Variants in ITPR2 observed in about 807,000 individuals in gnomAD.
ITPR2 encodes inositol 1,4,5-trisphosphate receptor type 2.
Under a neutral mutation model 317.1 loss-of-function variants are expected in ITPR2, and 207 were observed. The observed-to-expected ratio is 0.65, with a 90% CI of 0.58 to 0.73. The LOEUF (loss-of-function observed/expected upper bound fraction) is 0.73. ITPR2 is among the 30% of genes least tolerant of loss of function. The pLI is 0.00. For missense variants in ITPR2, 2,613 were observed against 3,284.0 expected (o/e 0.80, Z 4.99); for synonymous variants, 1,156 against 1,149.1 (o/e 1.01, Z -0.12).
At chr12:26,801,057 C>A in intron 1 of ITPR2, 1 of 195,280 alleles carries the variant, frequency 5.1e-6, no homozygotes, top group South Asian at 1.0e-4. Context: ...TGAGTGGGCA[C>A]TGGGGTTGGT....
At chr12:26,821,123 A>G (rs1459036978) in intron 1 of ITPR2, among the ~76,000 whole-genome samples, 1 of 152,376 alleles carries the variant, frequency 6.6e-6, no homozygotes, top group East Asian at 1.9e-4. Context: ...TAAACGGTCA[A>G]AATGATAAAT....
intron 2 of ITPR2, among the ~76,000 whole-genome samples, chr12:26,780,089 T>C (rs1016759723): frequency 6.6e-6 from 1 of 152,144 alleles, no homozygotes; most frequent in East Asian, 1.9e-4. Context: ...AATGGGCCCA[T>C]GAACAAAGTG....
chr12:26,530,503 T>C (rs932158216), intron 37 of ITPR2, among the ~76,000 whole-genome samples: 1 of 152,230 alleles, frequency 6.6e-6, no homozygotes, highest in East Asian at 1.9e-4. Context: ...GAAGTAAATG[T>C]AGGAAGAAGA....
chr12:26,341,750 A>G (rs1005762839), intron 55 of ITPR2, among the ~76,000 whole-genome samples: 14 of 152,248 alleles, frequency 9.2e-5, no homozygotes, highest in Admixed American at 7.9e-4. Context: ...TGAAAGTCAG[A>G]TAAGACTGTG....
chr12:26,801,998 A>C (rs1229662739), intron 1 of ITPR2, among the ~76,000 whole-genome samples: 6 of 152,202 alleles, frequency 3.9e-5, no homozygotes, highest in African/African-American at 9.6e-5. Context: ...GCAGGAAAAT[A>C]CTAGCCAAAG....
At chr12:26,665,177 A>T (rs2136923562) in intron 14 of ITPR2, among the ~76,000 whole-genome samples, 1 of 152,344 alleles carries the variant, frequency 6.6e-6, no homozygotes, top group South Asian at 2.1e-4. Flanking sequence ...AGAAAACTAG[A>T]ATATTGTACA....
intron 54 of ITPR2, among the ~76,000 whole-genome samples, chr12:26,395,738 G>T (rs1229136482): frequency 6.6e-6 from 1 of 152,146 alleles, no homozygotes; most frequent in Non-Finnish European, 1.5e-5. Flanking sequence ...CTTCCACCAG[G>T]ATCTGTTCTC....
chr12:26,655,353 A>G (rs11048633), intron 20 of ITPR2, among the ~76,000 whole-genome samples: 51,797 of 151,980 alleles, frequency 0.34, 9,648 homozygotes, highest in East Asian at 0.64. Flanking sequence ...GGTGGCTCAC[A>G]CCTGTAATCC....
At position 26,655,779 on chromosome 12, in the gene ITPR2, C is replaced by G; in HGVS notation, c.2518G>C (p.Glu840Gln). 6.2e-7 allele frequency: 1 copy of G among 1,612,682 alleles called. No individual in the cohort carries two copies. Among genetic ancestry groups the G allele is most frequent in the East Asian group, 2.2e-5 (1 of 44,832 alleles). ...TGGTTTACAACTTCTTTCAAATATT[C>G]TTCAACAAATTCCATTGTCAGGGCA... ...KFALTMEFVE[E>Q]YLKEVVNQPF... The change falls in exon 20 of 57, where the codon GAA (glutamate) becomes CAA (glutamine). Residue 840 changes from glutamate (E) to glutamine (Q), a missense_variant. Physicochemically the swap from Glu to Gln is conservative, Grantham distance 29. Transcript: ENST00000381340.
intron 1 of ITPR2, among the ~76,000 whole-genome samples, chr12:26,802,130 G>A (rs1950565658): frequency 6.6e-6 from 1 of 151,932 alleles, no homozygotes; most frequent in African/African-American, 2.4e-5. Context: ...GCAAGACCCT[G>A]TCTCTACAAA....
At chr12:26,585,439 C>T (rs1378810970) in intron 32 of ITPR2, among the ~76,000 whole-genome samples, 1 of 152,186 alleles carries the variant, frequency 6.6e-6, no homozygotes, top group Non-Finnish European at 1.5e-5. Flanking sequence ...CGGAGTCTCG[C>T]TCTGTCACCC....
At chr12:26,549,235 C>A (rs1944464048) in intron 37 of ITPR2, among the ~76,000 whole-genome samples, 1 of 152,126 alleles carries the variant, frequency 6.6e-6, no homozygotes, top group African/African-American at 2.4e-5. Context: ...TTATTTTGAT[C>A]ATTTGTTTTC....
intron 45 of ITPR2, among the ~76,000 whole-genome samples, chr12:26,456,099 G>A (rs543117230): frequency 2.0e-5 from 3 of 152,148 alleles, no homozygotes; most frequent in African/African-American, 4.8e-5. Flanking sequence ...TGGATAAAAT[G>A]AGACTGAGAT....
chr12:26,629,389 C>G (rs1946694044), intron 22 of ITPR2, among the ~76,000 whole-genome samples: 1 of 152,140 alleles, frequency 6.6e-6, no homozygotes, highest in Non-Finnish European at 1.5e-5. Context: ...GAATTCAAGA[C>G]CAGCCTGGGC....
At chr12:26,448,877 C>T (rs949622310) in intron 45 of ITPR2, among the ~76,000 whole-genome samples, 3 of 152,140 alleles carry the variant, frequency 2.0e-5, no homozygotes, top group African/African-American at 7.2e-5. Context: ...AAACCTTATA[C>T]ATAAACATAT....
rs754482854 is a variant in ITPR2, at chr12:26,461,627, AATATATATAT to A, written c.6342+13659_6342+13668del. 5.2e-3 allele frequency among the ~76,000 whole-genome samples: 254 copies of A among 48,722 alleles called. 1 individual carries two copies. Among genetic ancestry groups the A allele is most frequent in the African/African-American group, 0.013 (159 of 11,888 alleles). The allele number at this position is 48,722 out of a possible 152,430, so 32.0% of individuals were successfully genotyped here. A position where few individuals can be genotyped will look rare whatever the true frequency, so the allele number is the denominator to read the frequency against. ...ACAATAAGAAAAAGAAAAGCATATA[AATATATATAT>A]ATATATATATATATATATATATATA... On this transcript the variant is annotated intron_variant, in intron 45 of 56. Transcript: ENST00000381340.
At chr12:26,706,432 C>G (rs1180564218) in intron 9 of ITPR2, among the ~76,000 whole-genome samples, 4 of 152,118 alleles carry the variant, frequency 2.6e-5, no homozygotes, top group Admixed American at 2.6e-4. Context: ...TCTAACATTA[C>G]TTCCTAACTC....
intron 38 of ITPR2, among the ~76,000 whole-genome samples, 184 bp downstream of exon 38, chr12:26,494,968 A>C (rs1487672160): frequency 2.0e-5 from 3 of 152,208 alleles, no homozygotes; most frequent in African/African-American, 7.2e-5. Context: ...AAGGTCAAAA[A>C]GCAAAATCAA....
intron 1 of ITPR2, among the ~76,000 whole-genome samples, chr12:26,827,546 G>A (rs1951026487): frequency 6.6e-6 from 1 of 152,156 alleles, no homozygotes. Flanking sequence ...GAAACTCCAT[G>A]ACTTTTCCAG....
Sources: gnomAD v4.1 joint callset for allele counts (sites outside exome capture counted in the v4.1 genomes callset) on GRCh38, gnomAD v4.1.1 for gene constraint, MANE v1.5 for transcripts, NCBI Gene and HGNC (gene_info 2026-07-23, HGNC 2026-07-21) for gene names.